The following MTUS2 variants were observed in gnomAD, a reference collection of about 807,000 sequenced individuals.
MTUS2 encodes the protein microtubule associated scaffold protein 2.
In MTUS2, 40 loss-of-function variants were observed where a neutral mutation model predicts 114.1. That is an observed-to-expected ratio of 0.35 (90% CI 0.27 to 0.46). The LOEUF is 0.46. Ranked by LOEUF, MTUS2 falls within the 20% of genes least tolerant of loss-of-function variation. MTUS2 has a pLI of 1.00. For synonymous variants in MTUS2, 688 were observed against 672.0 expected, an observed-to-expected ratio of 1.02 and a Z score of -0.37; for missense variants, 1,679 against 1,705.4, an observed-to-expected ratio of 0.98 and a Z score of 0.27.
rs1264515792 is a variant in MTUS2, at chr13:29,189,877, G to A, written c.2644+88907G>A. Among the ~76,000 whole-genome samples the A allele has an allele frequency of 5.3e-5, 8 of 152,234 alleles. No individual in the cohort carries two copies. The East Asian group carries it at 1.5e-3, about 29-fold the overall frequency. ...TACATTGAAGCATTAACCCCCAATA[G>A]GATAATATTTGGAGGTGGGGCATTT... On this transcript the variant is annotated intron_variant, in intron 5 of 15. Coordinates refer to ENST00000612955, the MANE Select transcript of MTUS2 (RefSeq NM_001033602.4).
chr13:28,906,439 A>T (rs1880018907), intron 2 of MTUS2, among the ~76,000 whole-genome samples: 1 of 150,948 alleles, frequency 6.6e-6, no homozygotes, highest in South Asian at 2.1e-4. Flanking sequence ...TGTCCCAGAG[A>T]TTCTGGTATG....
chr13:29,348,817 G>T (rs1315414777), intron 7 of MTUS2, among the ~76,000 whole-genome samples: 1 of 152,092 alleles, frequency 6.6e-6, no homozygotes, highest in Non-Finnish European at 1.5e-5. Context: ...TTTATCCCTG[G>T]TAATACTTTT....
At chr13:29,256,491 C>T (rs1025887378) in intron 5 of MTUS2, among the ~76,000 whole-genome samples, 2 of 152,228 alleles carry the variant, frequency 1.3e-5, no homozygotes, top group Non-Finnish European at 2.9e-5. Context: ...GAGGGCAAAG[C>T]ACCACGGAGG....
chr13:29,057,272 T>C (rs1239448632), intron 4 of MTUS2, among the ~76,000 whole-genome samples: 2 of 152,156 alleles, frequency 1.3e-5, no homozygotes, highest in African/African-American at 2.4e-5. Context: ...TTGTATGTTG[T>C]GTTTTTAGTT....
At chr13:28,824,990 C>G (rs967447808) in intron 1 of MTUS2, among the ~76,000 whole-genome samples, 1 of 152,196 alleles carries the variant, frequency 6.6e-6, no homozygotes, top group Non-Finnish European at 1.5e-5. Context: ...GAGTGAGCCA[C>G]CTGACCAGAG....
At position 28,916,932 on chromosome 13, in the gene MTUS2, G is replaced by A. The variant is rs568159108; in HGVS notation, c.-243+77082G>A. The stretch of plus-strand genomic sequence containing the variant: ...GACATACAGCCTTTATTATATTGAG[G>A]TATGCTCTTTTTATCCTCAGTCTTT... On this transcript the variant is annotated intron_variant, in intron 2 of 15. Coordinates refer to ENST00000612955, the MANE Select transcript of MTUS2 (RefSeq NM_001033602.4). Among the ~76,000 whole-genome samples the A allele has an allele frequency of 3.3e-5, 5 of 151,772 alleles. No homozygotes were observed. In the South Asian group the frequency reaches 1.0e-3, roughly 32 times the overall value.
chr13:28,852,079 G>A (rs1876315026), intron 2 of MTUS2, among the ~76,000 whole-genome samples: 1 of 152,114 alleles, frequency 6.6e-6, no homozygotes. Context: ...TCCTGTCTCA[G>A]GGGTTGCACT....
At chr13:29,200,141 T>C (rs988682160) in intron 5 of MTUS2, among the ~76,000 whole-genome samples, 23 of 152,162 alleles carry the variant, frequency 1.5e-4, no homozygotes, top group African/African-American at 5.3e-4. Flanking sequence ...AAAAACCAGC[T>C]TCTGGATTCA....
intron 5 of MTUS2, chr13:29,240,006 A>G (rs1476835450): frequency 6.6e-6 from 1 of 152,152 alleles, no homozygotes; most frequent in East Asian, 1.9e-4. Context: ...AATTCTCAGA[A>G]AAATACTTCT....
intron 2 of MTUS2, among the ~76,000 whole-genome samples, chr13:29,012,465 T>A (rs1202954614): frequency 6.6e-6 from 1 of 151,626 alleles, no homozygotes; most frequent in East Asian, 1.9e-4. Flanking sequence ...GTGGAGAGGG[T>A]TTGTTGGGAA....
chr13:29,051,760 C>G (rs915904822), intron 4 of MTUS2, among the ~76,000 whole-genome samples: 8 of 152,194 alleles, frequency 5.3e-5, no homozygotes, highest in African/African-American at 1.9e-4. Flanking sequence ...CGTTGATTCT[C>G]TTTACAAGAA....
intron 8 of MTUS2, among the ~76,000 whole-genome samples, chr13:29,370,408 C>G (rs1230551721): frequency 6.6e-6 from 1 of 151,782 alleles, no homozygotes; most frequent in East Asian, 1.9e-4. Flanking sequence ...CTATAGTGCT[C>G]TATGATTGCA....
At chr13:29,085,128 T>TGCAG (rs568920886) in intron 4 of MTUS2, among the ~76,000 whole-genome samples, 151 of 152,302 alleles carry the variant, frequency 9.9e-4, no homozygotes, top group African/African-American at 3.5e-3. Flanking sequence ...CCATGTGACA[T>TGCAG]GCAGGCTTCC....
intron 5 of MTUS2, among the ~76,000 whole-genome samples, chr13:29,220,410 T>C (rs1258078693): frequency 1.3e-5 from 2 of 152,264 alleles, no homozygotes; most frequent in Non-Finnish European, 2.9e-5. Context: ...TGACATGCTT[T>C]CCTCACTAAG....
At chr13:29,285,864 CA>C (rs1169260025) in intron 6 of MTUS2, among the ~76,000 whole-genome samples, 1 of 152,040 alleles carries the variant, frequency 6.6e-6, no homozygotes, top group Non-Finnish European at 1.5e-5. Flanking sequence ...AACAAAAATT[CA>C]AAAAAACTTT....
Position 29,369,919 on chromosome 13 carries a change from G to T in MTUS2, c.3117+10446G>T, listed in dbSNP as rs556966744. ...AATTCTGTATTTATTTTAAAAGCAT[G>T]AAGGAGGAAGAAAAAGAAAGGAAAA... On this transcript the variant is annotated intron_variant, in intron 8 of 15. Transcript: ENST00000612955. 4.6e-5 allele frequency among the ~76,000 whole-genome samples: 7 copies of T among 152,194 alleles called. No individual in the cohort carries two copies. The South Asian group carries it at 1.5e-3, about 32-fold the overall frequency.
In MTUS2 at chr13:29,468,956, CTGGTACACCTT is replaced by C. The variant is rs1289194068; in HGVS notation, c.3185-11192_3185-11182del. Among the ~76,000 whole-genome samples the C allele has an allele frequency of 2.0e-5, 3 of 152,192 alleles. No homozygotes were observed. In the East Asian group the frequency reaches 5.8e-4, roughly 29 times the overall value. ...TTTTGGAAGGAAATTATAATAAAAA[CTGGTACACCTT>C]TCCCTGTTAGCTTTAACAGACAATA... On this transcript the variant is annotated intron_variant, in intron 9 of 15. Transcript: ENST00000612955.
intron 5 of MTUS2, among the ~76,000 whole-genome samples, chr13:29,262,515 T>TA (rs1359566035): frequency 6.6e-4 from 100 of 151,694 alleles, no homozygotes; most frequent in African/African-American, 2.4e-3. Context: ...AGGGAATGGA[T>TA]AAACAGCAGG....
intron 2 of MTUS2, among the ~76,000 whole-genome samples, chr13:28,979,831 A>G (rs1001841812): frequency 7.2e-5 from 11 of 152,224 alleles, no homozygotes; most frequent in African/African-American, 2.7e-4. Context: ...CATTTAATGT[A>G]CACATTGAAA....
Sources: gnomAD v4.1 joint callset for allele counts (sites outside exome capture counted in the v4.1 genomes callset) on GRCh38, gnomAD v4.1.1 for gene constraint, MANE v1.5 for transcripts, NCBI Gene and HGNC (gene_info 2026-07-23, HGNC 2026-07-21) for gene names.